Variants in PCDH11Y observed in about 807,000 individuals in gnomAD.
PCDH11Y encodes the protein protocadherin 11 Y-linked.
For missense variants in PCDH11Y, 12 were observed against 224.8 expected, an observed-to-expected ratio of 0.05 and a Z score of 6.05; for synonymous variants, 9 against 83.6, an observed-to-expected ratio of 0.11 and a Z score of 4.87.
At chrY:5,712,777 G>A in intron 4 of PCDH11Y, among the ~76,000 whole-genome samples, 1 of 33,111 alleles carries the variant, frequency 3.0e-5, no homozygotes, top group Non-Finnish European at 7.4e-5. Context: ...TAGTTTTTCT[G>A]TAGGTTAAAC....
At chrY:5,004,500 CT>C (rs1602833952) in intron 1 of PCDH11Y, among the ~76,000 whole-genome samples, 15 of 33,914 alleles carry the variant, frequency 4.4e-4, no homozygotes, top group African/African-American at 1.7e-3. Flanking sequence ...GCAGAAAATT[CT>C]TTTTCTCTGC....
At chrY:5,463,695 C>T in intron 2 of PCDH11Y, among the ~76,000 whole-genome samples, 2 of 30,534 alleles carry the variant, frequency 6.6e-5, no homozygotes, top group African/African-American at 1.3e-4. Flanking sequence ...CTCCCCTTTC[C>T]GTTCTTCTCT....
intron 2 of PCDH11Y, among the ~76,000 whole-genome samples, chrY:5,302,073 A>G: frequency 9.5e-5 from 3 of 31,543 alleles, no homozygotes; most frequent in African/African-American, 3.7e-4. Context: ...TGCTACTTCC[A>G]ACAATATATA....
chrY:5,349,155 A>G (rs774904286), intron 2 of PCDH11Y, among the ~76,000 whole-genome samples: 3,271 of 30,596 alleles, frequency 0.11, no homozygotes, highest in Non-Finnish European at 0.18. Context: ...CTAGTATAAT[A>G]CCGCAAGAGG....
At chrY:5,096,619 C>T in intron 1 of PCDH11Y, among the ~76,000 whole-genome samples, 1 of 25,529 alleles carries the variant, frequency 3.9e-5, no homozygotes, top group South Asian at 1.0e-3. Context: ...TCTCTCATTT[C>T]TCCTCGGTGA....
intron 2 of PCDH11Y, among the ~76,000 whole-genome samples, chrY:5,319,990 C>T (rs2053110946): frequency 6.1e-5 from 2 of 32,882 alleles, no homozygotes; most frequent in African/African-American, 2.4e-4. Flanking sequence ...TATCTTTTAA[C>T]GTATATTTAA....
intron 3 of PCDH11Y, among the ~76,000 whole-genome samples, chrY:5,511,244 T>C: frequency 3.0e-5 from 1 of 32,973 alleles, no homozygotes. Flanking sequence ...ACAGGATACA[T>C]TGAAAAATTT....
intron 3 of PCDH11Y, among the ~76,000 whole-genome samples, chrY:5,040,364 T>C: frequency 3.0e-5 from 1 of 33,181 alleles, no homozygotes; most frequent in African/African-American, 1.2e-4. Flanking sequence ...ATTTTAAACA[T>C]ATAAATAAAG....
At chrY:5,072,175 C>T in intron 1 of PCDH11Y, among the ~76,000 whole-genome samples, 1 of 31,484 alleles carries the variant, frequency 3.2e-5, no homozygotes, top group South Asian at 7.2e-4. Flanking sequence ...TGTGGCTGCT[C>T]ACGGATTGAA....
At chrY:5,147,051 C>T in intron 2 of PCDH11Y, among the ~76,000 whole-genome samples, 1 of 30,417 alleles carries the variant, frequency 3.3e-5, no homozygotes, top group East Asian at 9.0e-4. Context: ...GGTCCTGGGC[C>T]TTGGGCCACA....
downstream of PCDH11Y, among the ~76,000 whole-genome samples, chrY:5,107,886 C>T: frequency 3.1e-5 from 1 of 31,833 alleles, no homozygotes; most frequent in East Asian, 8.4e-4. Flanking sequence ...AGTGAAACCC[C>T]GTCTCTACTA....
Position 5,482,002 on chromosome Y carries a change from T to C in PCDH11Y, c.3130-19055T>C, listed in dbSNP as rs2053326534. Among the ~76,000 whole-genome samples, 9 of 23,194 alleles carry C rather than the reference T, an allele frequency of 3.9e-4. No individual in the cohort carries two copies. The South Asian group carries it at 8.9e-3, about 23-fold the overall frequency. 62.2% of individuals were successfully genotyped at this position (23,194 alleles called of 37,273 possible). A position where few individuals can be genotyped will look rare whatever the true frequency, so the allele number is the denominator to read the frequency against. ...AGCCATTATGTTCTTTTTTCTTTTT[T>C]TTTTTTTTTTTTTTTGAGACACAGT... On this transcript the variant is annotated intron_variant, in intron 2 of 4. Coordinates refer to the PCDH11Y transcript ENST00000400457.
chrY:5,216,957 G>T, intron 2 of PCDH11Y, among the ~76,000 whole-genome samples: 1 of 29,128 alleles, frequency 3.4e-5, no homozygotes, highest in Middle Eastern at 0.017. Context: ...TTACTTTCTC[G>T]ACTTTGCCTA....
chrY:5,440,170 G>T (rs2053279402), intron 2 of PCDH11Y, among the ~76,000 whole-genome samples: 2 of 33,933 alleles, frequency 5.9e-5, no homozygotes, highest in South Asian at 1.3e-3. Flanking sequence ...AAAACTTAGT[G>T]GTTTAAAATA....
chrY:5,288,116 A>G, intron 2 of PCDH11Y, among the ~76,000 whole-genome samples: 15 of 32,338 alleles, frequency 4.6e-4, no homozygotes, highest in Non-Finnish European at 2.3e-4. Context: ...GTCTTCATTT[A>G]TATCCACACT....
At chrY:5,344,882 G>T (rs2124669531) in intron 2 of PCDH11Y, among the ~76,000 whole-genome samples, 1 of 33,940 alleles carries the variant, frequency 2.9e-5, no homozygotes, top group East Asian at 7.9e-4. Context: ...TGGCCAGGCT[G>T]GTCTTGAACT....
chrY:5,546,446 A>C, intron 3 of PCDH11Y, among the ~76,000 whole-genome samples: 2 of 32,166 alleles, frequency 6.2e-5, no homozygotes, highest in East Asian at 1.6e-3. Flanking sequence ...TAGCATATAA[A>C]TAATTCCTAT....
chrY:5,598,100 A>C, intron 4 of PCDH11Y, among the ~76,000 whole-genome samples: 5 of 32,375 alleles, frequency 1.5e-4, no homozygotes. Context: ...AAAATTAATT[A>C]TACATATTCA....
At chrY:5,726,969 C>A (rs2053599298) in intron 4 of PCDH11Y, among the ~76,000 whole-genome samples, 1 of 32,888 alleles carries the variant, frequency 3.0e-5, no homozygotes, top group Non-Finnish European at 7.6e-5. Context: ...ACATTTTAAA[C>A]GTTAATCTCC....
Sources: allele counts gnomAD v4.1 joint callset (sites outside exome capture counted in the v4.1 genomes callset), GRCh38; gene constraint gnomAD v4.1.1; transcripts MANE v1.5; gene names NCBI Gene and HGNC (gene_info 2026-07-23, HGNC 2026-07-21).